ROBO2: variants seen among roughly 807,000 people sequenced by gnomAD.
The protein encoded by ROBO2 is roundabout guidance receptor 2, also known as roundabout homolog 2.
A neutral mutation model predicts 160.8 loss-of-function variants in ROBO2; 53 were observed. The observed-to-expected ratio is 0.33, with a 90% CI of 0.26 to 0.41. The LOEUF is 0.41. ROBO2 is among the 10% of genes least tolerant of loss of function. ROBO2 has a pLI of 1.00. For missense variants in ROBO2, 1,577 were observed against 1,722.4 expected (o/e 0.92, Z 1.49); for synonymous variants, 664 against 611.7 (o/e 1.09, Z -1.26).
At chr3:77,414,573 T>C (rs2077061173) in intron 2 of ROBO2, among the ~76,000 whole-genome samples, 1 of 152,166 alleles carries the variant, frequency 6.6e-6, no homozygotes, top group Non-Finnish European at 1.5e-5. Context: ...AGCAAAGTAC[T>C]TGAGCAGACA....
chr3:76,798,316 A>G (rs75831407), intron 2 of ROBO2, among the ~76,000 whole-genome samples: 116 of 96,206 alleles, frequency 1.2e-3, no homozygotes, highest in Admixed American at 3.6e-3. Context: ...AAGAAAGAAA[A>G]AAGAACGAAT....
At chr3:77,614,598 T>C (rs946836043) in intron 21 of ROBO2, among the ~76,000 whole-genome samples, 7 of 151,864 alleles carry the variant, frequency 4.6e-5, no homozygotes, top group African/African-American at 1.7e-4. Context: ...AAAATGGCCA[T>C]GGAAATGAAA....
At chr3:76,356,713 G>A (rs532817308) in intron 2 of ROBO2, among the ~76,000 whole-genome samples, 4 of 151,832 alleles carry the variant, frequency 2.6e-5, no homozygotes, top group Admixed American at 2.0e-4. Context: ...TTCACATACC[G>A]TTTTTGTATT....
chr3:76,170,177 A>G (rs1264051502), intron 2 of ROBO2, among the ~76,000 whole-genome samples: 1 of 150,916 alleles, frequency 6.6e-6, no homozygotes, highest in Non-Finnish European at 1.5e-5. Flanking sequence ...TGGGTAATAC[A>G]GGGTTTGTTT....
chr3:76,084,324 T>C (rs1029168187), intron 2 of ROBO2, among the ~76,000 whole-genome samples: 2 of 152,154 alleles, frequency 1.3e-5, no homozygotes, highest in African/African-American at 4.8e-5. Flanking sequence ...TCTTTTCTTC[T>C]CCACAGCCAC....
At chr3:76,424,096 T>G (rs2076110657) in intron 2 of ROBO2, among the ~76,000 whole-genome samples, 1 of 152,210 alleles carries the variant, frequency 6.6e-6, no homozygotes, top group African/African-American at 2.4e-5. Context: ...TAGCACTTCT[T>G]TTACTTATGA....
At chr3:77,155,552 T>A (rs1436476371) in intron 2 of ROBO2, among the ~76,000 whole-genome samples, 1 of 152,048 alleles carries the variant, frequency 6.6e-6, no homozygotes, top group Non-Finnish European at 1.5e-5. Flanking sequence ...CTTAGCCCAG[T>A]AAGACTCATG....
intron 2 of ROBO2, among the ~76,000 whole-genome samples, chr3:76,331,922 G>T (rs1213913677): frequency 6.6e-6 from 1 of 151,970 alleles, no homozygotes; most frequent in Admixed American, 6.6e-5. Context: ...GACCTCAGGT[G>T]ATCCGCCCAG....
chr3:77,062,989 G>A (rs938630218), intron 1 of ROBO2, among the ~76,000 whole-genome samples: 2 of 152,052 alleles, frequency 1.3e-5, no homozygotes, highest in Admixed American at 6.6e-5. Flanking sequence ...TTTATCCCAA[G>A]GATAATAAAA....
At chr3:76,959,249 A>C (rs112194945) in intron 2 of ROBO2, among the ~76,000 whole-genome samples, 7 of 152,228 alleles carry the variant, frequency 4.6e-5, no homozygotes, top group African/African-American at 7.2e-5. Context: ...TTAATTTACA[A>C]GTGAAGTTGC....
intron 2 of ROBO2, among the ~76,000 whole-genome samples, chr3:76,903,888 T>C (rs1357188596): frequency 6.6e-6 from 1 of 152,124 alleles, no homozygotes; most frequent in African/African-American, 2.4e-5. Flanking sequence ...CTGTTGCTCA[T>C]TACAGCCACT....
chr3:77,160,562 C>T (rs2150607234), intron 2 of ROBO2, among the ~76,000 whole-genome samples: 1 of 152,136 alleles, frequency 6.6e-6, no homozygotes, highest in East Asian at 1.9e-4. Context: ...AAAAAGGAGT[C>T]AAGTTATTTC....
chr3:76,797,569 A>T (rs1002778742), intron 2 of ROBO2, among the ~76,000 whole-genome samples: 7 of 151,942 alleles, frequency 4.6e-5, no homozygotes, highest in Non-Finnish European at 8.8e-5. Context: ...AGGAAAAGAA[A>T]AATAAAAAGA....
At chr3:76,051,487 A>G (rs1389098226) in intron 2 of ROBO2, among the ~76,000 whole-genome samples, 1 of 152,176 alleles carries the variant, frequency 6.6e-6, no homozygotes, top group Non-Finnish European at 1.5e-5. Context: ...GGTTTCTGAC[A>G]GGTAAAATGC....
intron 2 of ROBO2, among the ~76,000 whole-genome samples, chr3:77,138,951 A>C (rs906636463): frequency 4.5e-4 from 68 of 152,312 alleles, no homozygotes; most frequent in African/African-American, 1.6e-3. Flanking sequence ...GTTGCAAAGC[A>C]TGAGGGTCTC....
intron 2 of ROBO2, among the ~76,000 whole-genome samples, chr3:76,667,187 C>T (rs1025953010): frequency 6.6e-6 from 1 of 152,064 alleles, no homozygotes; most frequent in Non-Finnish European, 1.5e-5. Flanking sequence ...TAGAATTATA[C>T]AAAGAAGATA....
At chr3:77,468,757 G>A (rs1224045192) in intron 2 of ROBO2, among the ~76,000 whole-genome samples, 1 of 152,168 alleles carries the variant, frequency 6.6e-6, no homozygotes, top group African/African-American at 2.4e-5. Flanking sequence ...TATTCAACAT[G>A]CTCCAATTCC....
chr3:77,230,957 A>G (rs2087104088), intron 2 of ROBO2, among the ~76,000 whole-genome samples: 1 of 152,208 alleles, frequency 6.6e-6, no homozygotes, highest in African/African-American at 2.4e-5. Flanking sequence ...TCATAGGCAA[A>G]TTGATTTTTA....
intron 2 of ROBO2, among the ~76,000 whole-genome samples, chr3:76,861,453 A>G (rs1172067645): frequency 1.3e-5 from 2 of 152,028 alleles, no homozygotes; most frequent in Admixed American, 6.6e-5. Flanking sequence ...AACCACCACT[A>G]TTACTCCTCT....
Sources: gnomAD v4.1 joint callset for allele counts (sites outside exome capture counted in the v4.1 genomes callset) on GRCh38, gnomAD v4.1.1 for gene constraint, MANE v1.5 for transcripts, NCBI Gene and HGNC (gene_info 2026-07-23, HGNC 2026-07-21) for gene names.